Variants in ASXL2 observed in about 807,000 individuals in gnomAD.
ASXL2 encodes the protein putative Polycomb group protein ASXL2.
In ASXL2, 23 loss-of-function variants were observed where a neutral mutation model predicts 122.0. That is an observed-to-expected ratio of 0.19 (90% confidence interval 0.14 to 0.27). The LOEUF (loss-of-function observed/expected upper bound fraction) is 0.27. ASXL2 is among the 10% of genes least tolerant of loss of function. The pLI is 1.00. For synonymous variants in ASXL2, 650 were observed against 637.0 expected (o/e 1.02, Z -0.31); for missense variants, 1,518 against 1,713.8 (o/e 0.89, Z 2.02).
At chr2:25,763,599 A>C (rs2149149721) in intron 8 of ASXL2, among the ~76,000 whole-genome samples, 1 of 152,334 alleles carries the variant, frequency 6.6e-6, no homozygotes, top group South Asian at 2.1e-4. Context: ...AGGTCAAAAA[A>C]AGGAGGTCTC....
intron 8 of ASXL2, among the ~76,000 whole-genome samples, chr2:25,761,741 G>A (rs985397748): frequency 6.6e-6 from 1 of 151,298 alleles, no homozygotes; most frequent in African/African-American, 2.4e-5. Context: ...TTGGAATAAG[G>A]TAGATAATAT....
chr2:25,767,766 G>A, intron 7 of ASXL2, 40 bp from the exon 8 acceptor site: 2 of 1,603,886 alleles, frequency 1.2e-6, no homozygotes, highest in Non-Finnish European at 1.7e-6. Context: ...GTAGCACTGA[G>A]ATTATAGACA....
chr2:25,810,211 G>A, intron 3 of ASXL2: 2 of 596,616 alleles, frequency 3.4e-6, no homozygotes, highest in South Asian at 2.8e-5. Context: ...TCTCGGCAAT[G>A]GGACACTGCC....
At position 25,740,056 on chromosome 2, in the gene ASXL2, A is replaced by G. The variant is rs781741036; in HGVS notation, c.*1973T>C. The G allele has an allele frequency of 4.4e-5, 10 of 225,664 alleles. No individual in the cohort carries two copies. Among genetic ancestry groups the G allele is most frequent in the Non-Finnish European group, 8.8e-5 (10 of 113,374 alleles). 14.0% of individuals were successfully genotyped at this position (225,664 alleles called of 1,614,324 possible). A position where few individuals can be genotyped will look rare whatever the true frequency, so the allele number is the denominator to read the frequency against. On this transcript the variant is annotated 3_prime_UTR_variant, in exon 13 of 13. Coordinates refer to ENST00000435504, the MANE Select transcript of ASXL2 (RefSeq NM_018263.6). ...CTTGAAAATATACTCCTTATCCCCA[A>G]TCCTTGCAGCCTTCTTATCTCTTAG...
intron 3 of ASXL2, among the ~76,000 whole-genome samples, chr2:25,828,832 A>AAAC (rs1271583311): frequency 2.0e-5 from 3 of 150,866 alleles, no homozygotes; most frequent in Non-Finnish European, 3.0e-5. Flanking sequence ...CTCAAAAAAA[A>AAAC]AAAAAAAAAA....
At chr2:25,821,126 C>G (rs989823274) in intron 3 of ASXL2, among the ~76,000 whole-genome samples, 3 of 152,086 alleles carry the variant, frequency 2.0e-5, no homozygotes, top group Non-Finnish European at 2.9e-5. Context: ...TTGCAGTGAG[C>G]CAAGATCGCG....
chr2:25,877,909 C>T (rs969121429), intron 1 of ASXL2, among the ~76,000 whole-genome samples: 5 of 152,186 alleles, frequency 3.3e-5, no homozygotes, highest in African/African-American at 1.2e-4. Flanking sequence ...TCGGCTCGAC[C>T]CCAAAAGACA....
intron 3 of ASXL2, among the ~76,000 whole-genome samples, chr2:25,817,807 T>C (rs902038961): frequency 1.3e-5 from 2 of 152,144 alleles, no homozygotes; most frequent in African/African-American, 4.8e-5. Flanking sequence ...GTTCACCAAG[T>C]ACAAGATGAT....
At chr2:25,766,172 G>A (rs767748218) in intron 8 of ASXL2, among the ~76,000 whole-genome samples, 4 of 151,786 alleles carry the variant, frequency 2.6e-5, no homozygotes, top group African/African-American at 7.3e-5. Flanking sequence ...ATCTTTCTAT[G>A]TGAAGTATTT....
intron 1 of ASXL2, among the ~76,000 whole-genome samples, chr2:25,874,048 C>T (rs1379988139): frequency 6.6e-6 from 1 of 152,154 alleles, no homozygotes; most frequent in Non-Finnish European, 1.5e-5. Context: ...GAACATAGTT[C>T]TAAAGTCAAT....
chr2:25,795,841 T>C (rs1306691791), intron 5 of ASXL2, among the ~76,000 whole-genome samples: 1 of 152,142 alleles, frequency 6.6e-6, no homozygotes, highest in African/African-American at 2.4e-5. Context: ...CCTTTACACT[T>C]TTGGCTTCAC....
intron 4 of ASXL2, among the ~76,000 whole-genome samples, chr2:25,800,094 GA>G: frequency 6.6e-6 from 1 of 151,656 alleles, no homozygotes; most frequent in South Asian, 2.1e-4. Flanking sequence ...AGGAGTTCAA[GA>G]CCAACCTGGG....
chr2:25,845,693 A>AT (rs1365640921), intron 1 of ASXL2, 130 bp from the exon 2 acceptor site: 10 of 330,164 alleles, frequency 3.0e-5, no homozygotes, highest in African/African-American at 2.0e-4. Context: ...TACATATGCA[A>AT]TTGTTTACTT....
chr2:25,850,546 C>T (rs1427900149), intron 1 of ASXL2, among the ~76,000 whole-genome samples: 1 of 152,278 alleles, frequency 6.6e-6, no homozygotes, highest in East Asian at 1.9e-4. Context: ...ACTTCATAGG[C>T]TTATGGTATA....
chr2:25,782,937 G>A (rs2088669523), intron 5 of ASXL2, among the ~76,000 whole-genome samples: 1 of 152,074 alleles, frequency 6.6e-6, no homozygotes, highest in Non-Finnish European at 1.5e-5. Context: ...AGACCAACCT[G>A]GCCAACATGG....
Position 25,767,603 on chromosome 2 carries a change from C to T in ASXL2, c.755G>A (p.Arg252Lys), listed in dbSNP as rs778224307. The change falls in exon 8 of 13, where the codon AGA becomes AAA. Residue 252 changes from arginine to lysine, a missense_variant. Arg to Lys is a conservative substitution (Grantham distance 26, BLOSUM62 2). Around this residue, in one of 8 missense-constraint regions of ASXL2, gnomAD observed 198 missense variants for 209.0 expected, o/e 0.95. Coordinates refer to ENST00000435504, the MANE Select transcript of ASXL2 (RefSeq NM_018263.6). ...LLGLGKKSFQRSERLHTRQMK... is the reference protein window; with the variant it reads ...LLGLGKKSFQKSERLHTRQMK... Reference sequence around the variant, plus strand: ...CTTACTGGTATGGAGTCTCTCAGATCTCTGGAATGACTTCTTCCCCAAGCC... The same window carrying T: ...CTTACTGGTATGGAGTCTCTCAGATTTCTGGAATGACTTCTTCCCCAAGCC... 33 of 1,613,760 alleles carry T rather than the reference C, an allele frequency of 2.0e-5. No homozygotes were observed. Among genetic ancestry groups the T allele is most frequent in the Non-Finnish European group, 2.7e-5 (32 of 1,179,832 alleles).
At chr2:25,779,082 T>A (rs998184721) in intron 5 of ASXL2, among the ~76,000 whole-genome samples, 53 of 130,822 alleles carry the variant, frequency 4.1e-4, no homozygotes, top group African/African-American at 1.4e-3. Flanking sequence ...CACTTTTTTC[T>A]GATTTTTTTT....
intron 3 of ASXL2, among the ~76,000 whole-genome samples, chr2:25,830,562 G>A (rs1449232293): frequency 4.6e-5 from 7 of 151,014 alleles, no homozygotes; most frequent in Admixed American, 1.3e-4. Flanking sequence ...GGAAGTGGAG[G>A]ATGCAGTGAG....
intron 1 of ASXL2, among the ~76,000 whole-genome samples, chr2:25,852,540 T>C (rs1193919225): frequency 6.6e-6 from 1 of 152,186 alleles, no homozygotes; most frequent in Non-Finnish European, 1.5e-5. Context: ...GTTCTATCAG[T>C]GTTAAAAGGC....
Sources: allele counts gnomAD v4.1 joint callset (sites outside exome capture counted in the v4.1 genomes callset), GRCh38; gene constraint gnomAD v4.1.1; regional missense constraint gnomAD v4.1.1; transcripts MANE v1.5; gene names NCBI Gene and HGNC (gene_info 2026-07-23, HGNC 2026-07-21).